Variants in GSG1L observed in about 807,000 individuals in gnomAD.
GSG1L encodes GSG1 like.
A neutral mutation model predicts 42.1 loss-of-function variants in GSG1L; 24 were observed. The ratio of observed to expected loss-of-function variants is 0.57; its 90% CI spans 0.41 to 0.80. GSG1L has a LOEUF of 0.80. GSG1L is among the 30% of genes least tolerant of loss of function. GSG1L has a pLI of 0.00. For synonymous variants in GSG1L, 215 were observed against 203.5 expected (o/e 1.06, Z -0.48); for missense variants, 445 against 472.2 (o/e 0.94, Z 0.53).
At chr16:27,795,051 C>A (rs2082802681) in intron 6 of GSG1L, among the ~76,000 whole-genome samples, 1 of 152,128 alleles carries the variant, frequency 6.6e-6, no homozygotes, top group Admixed American at 6.5e-5. Context: ...ATAGCCAGGT[C>A]AGCATGGGTC....
chr16:27,867,824 C>T (rs1277119186), intron 3 of GSG1L, among the ~76,000 whole-genome samples: 1 of 152,110 alleles, frequency 6.6e-6, no homozygotes, highest in Non-Finnish European at 1.5e-5. Flanking sequence ...CCCCTGAGGC[C>T]AGCCACTTCC....
intron 1 of GSG1L, among the ~76,000 whole-genome samples, chr16:28,050,396 C>T (rs1335434897): frequency 1.3e-5 from 2 of 152,126 alleles, no homozygotes; most frequent in Admixed American, 6.5e-5. Flanking sequence ...GAACTCCTCA[C>T]CTCAAGCAAT....
chr16:28,063,459 G>C lies in GSG1L; in HGVS notation c.-35C>G, dbSNP rs1190364510. ...GCCGCCGGGACGGGACTGCACCGCC[G>C]GGGAGCTCCGCGCGCGAAGTTGGCA... On this transcript the variant is annotated 5_prime_UTR_variant, in exon 1 of 7. Transcript: ENST00000447459. The surrounding 1 kb of genome is among the most constrained non-coding windows in gnomAD (Gnocchi z 5.8). 8 of 1,142,642 alleles carry C rather than the reference G, an allele frequency of 7.0e-6. No homozygotes were observed. Among genetic ancestry groups the C allele is most frequent in the Non-Finnish European group, 8.6e-6 (8 of 929,390 alleles). The allele number at this position is 1,142,642 out of a possible 1,614,324, so 70.8% of individuals were successfully genotyped here.
intron 1 of GSG1L, among the ~76,000 whole-genome samples, chr16:28,012,527 T>C (rs1344431117): frequency 1.3e-5 from 2 of 152,024 alleles, no homozygotes; most frequent in Non-Finnish European, 2.9e-5. Context: ...AAACTGTACC[T>C]GTCATCATAG....
chr16:27,860,734 G>A (rs901710802), intron 3 of GSG1L, among the ~76,000 whole-genome samples: 52 of 152,344 alleles, frequency 3.4e-4, no homozygotes, highest in Non-Finnish European at 3.7e-4. Flanking sequence ...GCAGGGAGGG[G>A]CTGGGAGTCC....
At chr16:27,888,492 T>C (rs1483529226) in intron 2 of GSG1L, among the ~76,000 whole-genome samples, 1 of 5,810 alleles carries the variant, frequency 1.7e-4, no homozygotes, top group Non-Finnish European at 4.4e-4. Context: ...CCTTTCTTTC[T>C]TTCTTTCTTT....
intron 1 of GSG1L, among the ~76,000 whole-genome samples, chr16:27,980,232 C>T (rs1305754794): frequency 6.6e-6 from 1 of 152,130 alleles, no homozygotes; most frequent in Non-Finnish European, 1.5e-5. Context: ...GCGCCCAGGT[C>T]CTGGTTGGCA....
chr16:27,927,236 A>G (rs375513675), intron 2 of GSG1L, among the ~76,000 whole-genome samples: 4 of 151,914 alleles, frequency 2.6e-5, no homozygotes, highest in East Asian at 1.9e-4. Flanking sequence ...TGCAGCCTCG[A>G]CTTCCCAGGC....
chr16:27,905,015 C>G lies in GSG1L; in HGVS notation c.398-20377G>C, dbSNP rs147548421. On this transcript the variant is annotated intron_variant, in intron 2 of 6. Coordinates refer to ENST00000447459, the MANE Select transcript of GSG1L (RefSeq NM_001109763.2). The stretch of plus-strand genomic sequence containing the variant: ...AAATCTTGGGTTTTACATGAAATTT[C>G]ATTTTGAAAAAATAATGAATTCAAA... Among the ~76,000 whole-genome samples, 92 of 152,304 alleles carry G rather than the reference C, an allele frequency of 6.0e-4. 2 individuals are homozygous for G. In the Middle Eastern group the frequency reaches 0.01, roughly 17 times the overall value.
chr16:28,053,482 A>G (rs1237597471), intron 1 of GSG1L, among the ~76,000 whole-genome samples: 1 of 152,198 alleles, frequency 6.6e-6, no homozygotes, highest in African/African-American at 2.4e-5. Flanking sequence ...ACTGGAGGGC[A>G]GAGTCAGATG....
intron 1 of GSG1L, among the ~76,000 whole-genome samples, chr16:27,966,817 A>C (rs1056251678): frequency 6.6e-6 from 1 of 152,212 alleles, no homozygotes; most frequent in African/African-American, 2.4e-5. Context: ...GCTACCTACA[A>C]ATTCAGATTT....
intron 3 of GSG1L, among the ~76,000 whole-genome samples, chr16:27,855,340 T>A (rs967870472): frequency 6.6e-6 from 1 of 152,158 alleles, no homozygotes; most frequent in African/African-American, 2.4e-5. Context: ...AGAGTCCACA[T>A]CTCTTTTTGG....
Position 27,948,365 on chromosome 16 carries a change from TATTC to T in GSG1L, c.397+14787_397+14790del, listed in dbSNP as rs1470773354. ...AACAGAAATAAGGTTTTGGTATTCT[TATTC>T]TTATTCTTATTCTTATTACTTTGAG... On this transcript the variant is annotated intron_variant, in intron 2 of 6. Coordinates refer to ENST00000447459, the MANE Select transcript of GSG1L (RefSeq NM_001109763.2). Among the ~76,000 whole-genome samples the T allele has an allele frequency of 4.3e-4, 3 of 6,962 alleles. No individual in the cohort carries two copies. In the African/African-American group the frequency reaches 4.5e-3, roughly 10 times the overall value. The allele number at this position is 6,962 out of a possible 152,430, so 4.6% of individuals were successfully genotyped here.
intron 1 of GSG1L, among the ~76,000 whole-genome samples, chr16:28,016,398 C>T (rs1194478988): frequency 1.3e-5 from 2 of 152,124 alleles, no homozygotes; most frequent in African/African-American, 2.4e-5. Flanking sequence ...AAGGCTGAAA[C>T]GTTTGATTGT....
intron 1 of GSG1L, among the ~76,000 whole-genome samples, chr16:28,031,291 G>A (rs2085960309): frequency 7.1e-6 from 1 of 140,684 alleles, no homozygotes; most frequent in Non-Finnish European, 1.6e-5. Flanking sequence ...GGGATAAGAT[G>A]GAATGGGATG....
chr16:28,029,027 C>T (rs894992857), intron 1 of GSG1L, among the ~76,000 whole-genome samples: 6 of 152,208 alleles, frequency 3.9e-5, no homozygotes, highest in Admixed American at 6.5e-5. Flanking sequence ...AGATCCTCAA[C>T]CTACGGAAAG....
intron 1 of GSG1L, among the ~76,000 whole-genome samples, chr16:27,978,170 T>C (rs1223829139): frequency 6.6e-6 from 1 of 152,096 alleles, no homozygotes; most frequent in Non-Finnish European, 1.5e-5. Flanking sequence ...CCACCACAGA[T>C]AGAACTGGCC....
chr16:28,004,181 G>A (rs934374216), intron 1 of GSG1L, among the ~76,000 whole-genome samples: 2 of 152,214 alleles, frequency 1.3e-5, no homozygotes, highest in Non-Finnish European at 2.9e-5. Flanking sequence ...TCCGCTCTCA[G>A]AGAGGGTAGC....
At chr16:28,060,760 G>GGC (rs2086331265) in intron 1 of GSG1L, among the ~76,000 whole-genome samples, 1 of 152,182 alleles carries the variant, frequency 6.6e-6, no homozygotes, top group Admixed American at 6.5e-5. Context: ...CCTCAAAGGT[G>GGC]GCGGCCAGGA....
Sources: allele counts gnomAD v4.1 joint callset (sites outside exome capture counted in the v4.1 genomes callset), GRCh38; gene constraint gnomAD v4.1.1; non-coding constraint Gnocchi (gnomAD v3.1); transcripts MANE v1.5; gene names NCBI Gene and HGNC (gene_info 2026-07-23, HGNC 2026-07-21).